FRMD4B: variants seen among roughly 807,000 people sequenced by gnomAD.
FRMD4B encodes FERM domain-containing protein 4B.
Under a neutral mutation model 141.5 loss-of-function variants are expected in FRMD4B, and 74 were observed. The ratio of observed to expected loss-of-function variants is 0.52; its 90% confidence interval spans 0.43 to 0.63. The LOEUF (loss-of-function observed/expected upper bound fraction) is 0.63. Among genes scored for constraint, FRMD4B ranks in the 30% least tolerant of loss-of-function variants. The pLI is 0.00. For synonymous variants in FRMD4B, 506 were observed against 467.9 expected (o/e 1.08, Z -1.05); for missense variants, 1,366 against 1,253.4 (o/e 1.09, Z -1.36).
chr3:69,232,530 G>A (rs909211054), intron 7 of FRMD4B, among the ~76,000 whole-genome samples: 3 of 152,114 alleles, frequency 2.0e-5, no homozygotes, highest in Admixed American at 2.0e-4. Context: ...CCCTTTCACA[G>A]GCTGTTTTTC....
At chr3:69,512,573 G>C (rs1039057252) in intron 1 of FRMD4B, among the ~76,000 whole-genome samples, 11 of 152,154 alleles carry the variant, frequency 7.2e-5, no homozygotes, top group Non-Finnish European at 4.4e-5. Context: ...TGATGGGTGA[G>C]CTCTGCCATT....
intron 1 of FRMD4B, among the ~76,000 whole-genome samples, chr3:69,503,211 T>C (rs972421994): frequency 3.3e-5 from 5 of 152,332 alleles, no homozygotes; most frequent in African/African-American, 9.6e-5. Flanking sequence ...TTATAAATCA[T>C]GCTGCTATAA....
intron 2 of FRMD4B, among the ~76,000 whole-genome samples, chr3:69,423,966 C>A (rs1016512822): frequency 6.6e-6 from 1 of 151,948 alleles, no homozygotes; most frequent in African/African-American, 2.4e-5. Context: ...TAACAGCAGC[C>A]CAAATGGACA....
At chr3:69,234,681 A>T (rs2093332558) in intron 7 of FRMD4B, among the ~76,000 whole-genome samples, 3 of 152,202 alleles carry the variant, frequency 2.0e-5, no homozygotes, top group Admixed American at 6.6e-5. Flanking sequence ...AGTGATTATC[A>T]TTGTACCCTC....
At chr3:69,429,120 A>C (rs1217703485) in intron 2 of FRMD4B, among the ~76,000 whole-genome samples, 1 of 152,212 alleles carries the variant, frequency 6.6e-6, no homozygotes, top group Non-Finnish European at 1.5e-5. Flanking sequence ...AGAGTGTTCT[A>C]TTAGATGGAA....
rs551021411 is a variant in FRMD4B at position 69,219,776 on chromosome 3, C to G, written c.732-1397G>C. On this transcript the variant is annotated intron_variant, in intron 9 of 22. Coordinates refer to ENST00000398540, the MANE Select transcript of FRMD4B (RefSeq NM_015123.3). The stretch of plus-strand genomic sequence containing the variant: ...CTTTTCCCTAATGCTCTCTCCCACC[C>G]CAGCCCTCTCCTGACAGGCCAGTAA... Among the ~76,000 whole-genome samples, 4 of 152,270 alleles carry G rather than the reference C, an allele frequency of 2.6e-5. No individual in the cohort carries two copies. The South Asian group carries it at 8.3e-4, about 32-fold the overall frequency.
intron 11 of FRMD4B, among the ~76,000 whole-genome samples, chr3:69,211,736 A>G (rs1421173338): frequency 2.6e-5 from 4 of 152,174 alleles, no homozygotes; most frequent in Non-Finnish European, 4.4e-5. Context: ...TTGTTTCATT[A>G]CAGTTTGCCA....
At chr3:69,486,758 G>A (rs1706222497) in intron 1 of FRMD4B, among the ~76,000 whole-genome samples, 1 of 152,154 alleles carries the variant, frequency 6.6e-6, no homozygotes, top group African/African-American at 2.4e-5. Context: ...AGATTAGTTT[G>A]GTTAGAAGAG....
intron 1 of FRMD4B, among the ~76,000 whole-genome samples, chr3:69,517,459 G>A (rs901405512): frequency 1.2e-4 from 19 of 152,130 alleles, no homozygotes; most frequent in Non-Finnish European, 2.8e-4. Context: ...TTAACTGAAA[G>A]TAGTGTTAGG....
At chr3:69,376,421 T>C (rs1559837325) in intron 1 of FRMD4B, among the ~76,000 whole-genome samples, 1 of 151,970 alleles carries the variant, frequency 6.6e-6, no homozygotes, top group Non-Finnish European at 1.5e-5. Flanking sequence ...GCCTAGCATA[T>C]AGAAAGGCCT....
At chr3:69,402,223 A>G (rs1180081870) in intron 2 of FRMD4B, among the ~76,000 whole-genome samples, 1 of 152,218 alleles carries the variant, frequency 6.6e-6, no homozygotes, top group African/African-American at 2.4e-5. Flanking sequence ...TTTGCCCATT[A>G]AGACCAAAGG....
At chr3:69,231,835 T>C (rs1449465160) in intron 7 of FRMD4B, among the ~76,000 whole-genome samples, 1 of 152,164 alleles carries the variant, frequency 6.6e-6, no homozygotes, top group Non-Finnish European at 1.5e-5. Context: ...TTATAGAAGG[T>C]TAAGCTCGAT....
At chr3:69,426,990 T>A (rs940436404) in intron 2 of FRMD4B, among the ~76,000 whole-genome samples, 4 of 152,184 alleles carry the variant, frequency 2.6e-5, no homozygotes, top group Non-Finnish European at 5.9e-5. Context: ...CTTATTTTTT[T>A]ATTTCTTTCA....
chr3:69,464,481 T>G (rs192693187), intron 1 of FRMD4B, among the ~76,000 whole-genome samples: 16 of 152,326 alleles, frequency 1.1e-4, no homozygotes, highest in Non-Finnish European at 1.0e-4. Context: ...TTTTTCTTTC[T>G]TCTTTTCTCT....
intron 1 of FRMD4B, chr3:69,535,889 C>A: frequency 2.3e-6 from 1 of 426,370 alleles, no homozygotes. Flanking sequence ...CAATGCCATT[C>A]TTGACCTTGC....
rs189421049 is a variant in FRMD4B at position 69,168,846 on chromosome 3, T to C, written c.*3015A>G. ...AAGCTTTTGTGAGTACAAGGAAGAA[T>C]TTTGAAAATTTTTGTCAAATATAGA... On this transcript the variant is annotated 3_prime_UTR_variant, in exon 23 of 23. Transcript: ENST00000398540. Among the ~76,000 whole-genome samples the C allele has an allele frequency of 5.1e-4, 78 of 152,298 alleles. No individual in the cohort carries two copies. The highest frequency in any genetic ancestry group is 1.6e-3 in the African/African-American group (68 of 41,582).
chr3:69,325,577 C>T (rs975799786), intron 1 of FRMD4B, among the ~76,000 whole-genome samples: 11 of 152,178 alleles, frequency 7.2e-5, no homozygotes, highest in African/African-American at 2.7e-4. Flanking sequence ...GAGTTTGTGT[C>T]CCAGCCCTGC....
At chr3:69,464,571 TG>T (rs1311975246) in intron 1 of FRMD4B, among the ~76,000 whole-genome samples, 3 of 152,204 alleles carry the variant, frequency 2.0e-5, no homozygotes, top group African/African-American at 7.2e-5. Flanking sequence ...GTTTTAAATG[TG>T]GAGACCCCTT....
rs1178818288 is a variant in FRMD4B, at chr3:69,196,797, A to C, written c.1092+103T>G. 5 of 872,782 alleles carry C rather than the reference A, an allele frequency of 5.7e-6. No homozygotes were observed. The East Asian group carries it at 1.3e-4, about 23-fold the overall frequency. 54.1% of individuals were successfully genotyped at this position (872,782 alleles called of 1,614,324 possible). A position where few individuals can be genotyped will look rare whatever the true frequency, so the allele number is the denominator to read the frequency against. The stretch of plus-strand genomic sequence containing the variant: ...GAAGTTAAACGCAAAAAAATCTCAG[A>C]GAGCAAAAATATATGTGCTTGCATC... On this transcript the variant is annotated intron_variant, in intron 13 of 22. Coordinates refer to ENST00000398540, the MANE Select transcript of FRMD4B (RefSeq NM_015123.3).
Sources: gnomAD v4.1 joint callset for allele counts (sites outside exome capture counted in the v4.1 genomes callset) on GRCh38, gnomAD v4.1.1 for gene constraint, MANE v1.5 for transcripts, NCBI Gene and HGNC (gene_info 2026-07-23, HGNC 2026-07-21) for gene names.